LRRFIP1: variants seen among roughly 807,000 people sequenced by gnomAD.
The protein encoded by LRRFIP1 is LRR binding FLII interacting protein 1, also known as leucine-rich repeat flightless-interacting protein 1.
Under a neutral mutation model 104.4 loss-of-function variants are expected in LRRFIP1, and 62 were observed. The ratio of observed to expected loss-of-function variants is 0.59; its 90% CI spans 0.48 to 0.73. The LOEUF (loss-of-function observed/expected upper bound fraction) is 0.73. Ranked by LOEUF, LRRFIP1 falls within the 30% of genes least tolerant of loss-of-function variation. The pLI, the probability that LRRFIP1 is intolerant of heterozygous loss-of-function variation, is 0.00. For synonymous variants in LRRFIP1, 300 were observed against 299.0 expected (o/e 1.00, Z -0.03); for missense variants, 796 against 824.5 (o/e 0.97, Z 0.42).
intron 1 of LRRFIP1, among the ~76,000 whole-genome samples, chr2:237,652,906 G>A (rs1363063845): frequency 2.0e-5 from 3 of 152,172 alleles, no homozygotes; most frequent in Admixed American, 2.0e-4. Flanking sequence ...TTTGTGTTGG[G>A]GGAGGAGCCT....
chr2:237,653,352 AT>A (rs1385747339), intron 1 of LRRFIP1, among the ~76,000 whole-genome samples: 2 of 152,252 alleles, frequency 1.3e-5, no homozygotes, highest in African/African-American at 4.8e-5. Flanking sequence ...GATGAAAAAA[AT>A]TGAAAGAGAC....
chr2:237,657,637 C>T (rs1018788700), intron 1 of LRRFIP1, among the ~76,000 whole-genome samples: 6 of 152,232 alleles, frequency 3.9e-5, no homozygotes, highest in East Asian at 3.9e-4. Context: ...GAATTGTTCA[C>T]GCTTCAAACT....
chr2:237,737,850 C>T (rs1430036956), intron 10 of LRRFIP1, among the ~76,000 whole-genome samples: 1 of 152,198 alleles, frequency 6.6e-6, no homozygotes, highest in African/African-American at 2.4e-5. Context: ...GAAACAACGT[C>T]TTGCCCCTGA....
At chr2:237,659,166 T>C (rs2087386016) in intron 1 of LRRFIP1, among the ~76,000 whole-genome samples, 1 of 152,096 alleles carries the variant, frequency 6.6e-6, no homozygotes, top group South Asian at 2.1e-4. Context: ...CCATCACAGC[T>C]TACTGCAGCC....
intron 13 of LRRFIP1, among the ~76,000 whole-genome samples, chr2:237,750,326 C>CTTTTTTTTTT (rs928510240): frequency 3.0e-4 from 18 of 60,708 alleles, no homozygotes; most frequent in Non-Finnish European, 4.3e-4. Flanking sequence ...TTCTTTCTTT[C>CTTTTTTTTTT]TTTTTTTTTT....
At chr2:237,655,758 A>G (rs2086714832) in intron 1 of LRRFIP1, among the ~76,000 whole-genome samples, 1 of 152,274 alleles carries the variant, frequency 6.6e-6, no homozygotes, top group South Asian at 2.1e-4. Flanking sequence ...ACGACAGGCC[A>G]GTGTTGACTG....
Position 237,780,684 on chromosome 2 carries a change from A to C in LRRFIP1, c.*1152A>C, listed in dbSNP as rs73102944. On this transcript the variant is annotated 3_prime_UTR_variant, in exon 24 of 24. Transcript: ENST00000308482. ...ATCATCCAAAACCATATCTAGTCTT[A>C]ACACATGGAGAATGCTGGAGTGAGG... Among the ~76,000 whole-genome samples, 474 of 152,342 alleles carry C rather than the reference A, an allele frequency of 3.1e-3. 5 individuals are homozygous for C. The highest frequency in any genetic ancestry group is 0.01 in the African/African-American group (432 of 41,572).
At chr2:237,660,700 A>G (rs2087747860) in intron 1 of LRRFIP1, among the ~76,000 whole-genome samples, 1 of 152,248 alleles carries the variant, frequency 6.6e-6, no homozygotes. Flanking sequence ...GGACTGGTCA[A>G]ACCTGTTGCC....
intron 19 of LRRFIP1, chr2:237,768,718 T>C (rs895470118): frequency 6.6e-5 from 10 of 151,594 alleles, no homozygotes; most frequent in African/African-American, 2.2e-4. Context: ...CAAAACAACT[T>C]AGGATCTTTG....
intron 2 of LRRFIP1, among the ~76,000 whole-genome samples, chr2:237,709,699 G>A (rs924180006): frequency 5.3e-5 from 8 of 152,052 alleles, no homozygotes; most frequent in Non-Finnish European, 7.4e-5. Context: ...GGAGTTTGCC[G>A]CTCCATGTAG....
At chr2:237,763,320 G>A in intron 19 of LRRFIP1, 1 of 1,614,132 alleles carries the variant, frequency 6.2e-7, no homozygotes. Context: ...ACAGGTCCAA[G>A]TACAGTAGAC....
chr2:237,753,821 G>GGT (rs759587250), intron 15 of LRRFIP1, among the ~76,000 whole-genome samples: 1,874 of 132,938 alleles, frequency 0.014, 36 homozygotes, highest in African/African-American at 0.048. Context: ...GGAATGGTAG[G>GGT]GTGTGTGTGT....
intron 1 of LRRFIP1, among the ~76,000 whole-genome samples, chr2:237,695,452 G>GGT (rs1185657428): frequency 6.6e-6 from 1 of 152,156 alleles, no homozygotes; most frequent in Non-Finnish European, 1.5e-5. Context: ...ACTAAATGTT[G>GGT]GTGCAGCATG....
intron 1 of LRRFIP1, among the ~76,000 whole-genome samples, chr2:237,707,782 G>A (rs2093887465): frequency 6.6e-6 from 1 of 152,210 alleles, no homozygotes; most frequent in Admixed American, 6.5e-5. Flanking sequence ...CGTTCTCACG[G>A]AGCAGAATGT....
In LRRFIP1 at chr2:237,772,141, C is replaced by T. The variant is rs2060698045; in HGVS notation, c.1570C>T (p.Arg524Ter). The part of the protein sequence containing the change: ...RQKIGKLDNL[R>*]SEDDVLENGT... Reference sequence around the variant, plus strand: ...GAAGATTGGCAAACTAGACAATCTTCGATCTGAAGATGATGTCTTGGAAAA... The same window carrying T: ...GAAGATTGGCAAACTAGACAATCTTTGATCTGAAGATGATGTCTTGGAAAA... Residue 524 changes from arginine (R) to a stop codon, truncating the protein, a stop_gained, in exon 21 of 24, where the codon CGA (arginine) becomes TGA (stop). Coordinates refer to ENST00000308482, the MANE Select transcript of LRRFIP1 (RefSeq NM_001137550.2). LOFTEE classifies it high-confidence loss of function. 6.2e-6 allele frequency: 10 copies of T among 1,613,906 alleles called. No homozygotes were observed. Among genetic ancestry groups the T allele is most frequent in the Non-Finnish European group, 8.5e-6 (10 of 1,179,860 alleles).
chr2:237,668,202 A>G lies in LRRFIP1; in HGVS notation c.97-40342A>G, dbSNP rs561421166. ...CTGGCTGAGGCCCCTCCCCTCACAT[A>G]GTGACCTCGGCAGCCTCCCAGTCCA... On this transcript the variant is annotated intron_variant, in intron 1 of 23. Coordinates refer to ENST00000308482, the MANE Select transcript of LRRFIP1 (RefSeq NM_001137550.2). Among the ~76,000 whole-genome samples, 56 of 151,906 alleles carry G rather than the reference A, an allele frequency of 3.7e-4. 1 individual carries two copies. The highest frequency in any genetic ancestry group is 1.3e-3 in the African/African-American group (54 of 41,446).
chr2:237,634,900 A>G (rs1008055846), intron 1 of LRRFIP1, among the ~76,000 whole-genome samples: 24 of 152,136 alleles, frequency 1.6e-4, no homozygotes, highest in Admixed American at 1.5e-3. Context: ...TATCAATTCC[A>G]TTTTATTCTC....
In LRRFIP1 at chr2:237,627,660, C is replaced by G. The variant is rs944769955; in HGVS notation, c.16C>G (p.Gln6Glu). The change falls in exon 1 of 24, where the codon CAG (glutamine) becomes GAG (glutamate). Residue 6 changes from glutamine (Q) to glutamate (E), a missense_variant. Physicochemically the swap from Gln to Glu is conservative, Grantham distance 29. Coordinates refer to ENST00000308482, the MANE Select transcript of LRRFIP1 (RefSeq NM_001137550.2). ...GACGCGGTCGATGGACATGGGCACCCAGGGATCGGGGCGCAAGCGGCTCCC... is the reference window on the plus strand; with the variant it reads ...GACGCGGTCGATGGACATGGGCACCGAGGGATCGGGGCGCAAGCGGCTCCC... MDMGT[Q>E]GSGRKRLPNR... 1.5e-6 allele frequency: 2 copies of G among 1,360,348 alleles called. No individual in the cohort carries two copies. The highest frequency in any genetic ancestry group is 9.6e-7 in the Non-Finnish European group (1 of 1,043,900). The allele number at this position is 1,360,348 out of a possible 1,614,324, so 84.3% of individuals were successfully genotyped here. A position where few individuals can be genotyped will look rare whatever the true frequency, so the allele number is the denominator to read the frequency against.
At chr2:237,732,525 C>T (rs181006647) in intron 8 of LRRFIP1, among the ~76,000 whole-genome samples, 1 of 152,202 alleles carries the variant, frequency 6.6e-6, no homozygotes, top group African/African-American at 2.4e-5. Context: ...GTCACAAGAG[C>T]AAAGCTTAGC....
Sources: gnomAD v4.1 joint callset for allele counts (sites outside exome capture counted in the v4.1 genomes callset) on GRCh38, gnomAD v4.1.1 for gene constraint, MANE v1.5 for transcripts, NCBI Gene and HGNC (gene_info 2026-07-23, HGNC 2026-07-21) for gene names.